Variants in TSHZ2 observed in about 807,000 individuals in gnomAD.
TSHZ2 encodes the protein teashirt homolog 2.
Under a neutral mutation model 74.4 loss-of-function variants are expected in TSHZ2, and 21 were observed. The ratio of observed to expected loss-of-function variants is 0.28; its 90% CI spans 0.20 to 0.41. The LOEUF (loss-of-function observed/expected upper bound fraction) is 0.41. TSHZ2 is among the 10% of genes least tolerant of loss of function. TSHZ2 has a pLI of 1.00. For missense variants in TSHZ2, 1,244 were observed against 1,293.5 expected (o/e 0.96, Z 0.59); for synonymous variants, 540 against 515.3 (o/e 1.05, Z -0.65).
At chr20:53,236,165 G>T (rs1260641431) in intron 1 of TSHZ2, among the ~76,000 whole-genome samples, 1 of 152,176 alleles carries the variant, frequency 6.6e-6, no homozygotes, top group Non-Finnish European at 1.5e-5. Flanking sequence ...AATTTGACCT[G>T]CCTGTAACTT....
chr20:53,215,863 C>T (rs145179549), intron 1 of TSHZ2, among the ~76,000 whole-genome samples: 6,180 of 146,272 alleles, frequency 0.042, 410 homozygotes, highest in African/African-American at 0.14. Context: ...AGCAAAACTC[C>T]GTCTCAAAAA....
chr20:53,408,198 C>T (rs563523857), intron 2 of TSHZ2, among the ~76,000 whole-genome samples: 2 of 152,306 alleles, frequency 1.3e-5, no homozygotes, highest in Middle Eastern at 3.4e-3. Context: ...CACAGAAATG[C>T]TATCCCTTTC....
At chr20:53,323,259 G>A (rs1346046918) in intron 2 of TSHZ2, among the ~76,000 whole-genome samples, 3 of 152,182 alleles carry the variant, frequency 2.0e-5, no homozygotes, top group East Asian at 1.9e-4. Context: ...CCAGAGGCTG[G>A]CACACATCTG....
At chr20:53,463,439 G>GAAGGAAGGAAGGAAGGAAGA (rs1184885442) in intron 2 of TSHZ2, among the ~76,000 whole-genome samples, 6 of 141,926 alleles carry the variant, frequency 4.2e-5, no homozygotes, top group Non-Finnish European at 9.2e-5. Context: ...AGGAAGGAGG[G>GAAGGAAGGAAGGAAGGAAGA]AGGGAGGGAA....
intron 1 of TSHZ2, among the ~76,000 whole-genome samples, chr20:53,024,304 G>C (rs564585688): frequency 6.6e-6 from 1 of 151,262 alleles, no homozygotes; most frequent in East Asian, 1.9e-4. Flanking sequence ...TTTTAATCTG[G>C]CGTTTCCTGG....
chr20:53,088,650 C>G (rs1179421830), intron 1 of TSHZ2, among the ~76,000 whole-genome samples: 1 of 152,150 alleles, frequency 6.6e-6, no homozygotes, highest in Admixed American at 6.5e-5. Flanking sequence ...GATTTGATGG[C>G]TTTCAGAAAC....
intron 2 of TSHZ2, among the ~76,000 whole-genome samples, chr20:53,362,620 G>A (rs1981111354): frequency 6.6e-6 from 1 of 151,858 alleles, no homozygotes; most frequent in Admixed American, 6.6e-5. Flanking sequence ...AATATTATGA[G>A]AGGCATTCGA....
At chr20:53,417,231 GACACACACAGACAC>G (rs1477983751) in intron 2 of TSHZ2, among the ~76,000 whole-genome samples, 2 of 101,290 alleles carry the variant, frequency 2.0e-5, no homozygotes, top group African/African-American at 4.2e-5. Context: ...TACAGACACA[GACACACACAGACAC>G]ACACACACAC....
chr20:53,251,115 A>T (rs1157565360), intron 1 of TSHZ2, among the ~76,000 whole-genome samples: 1 of 152,212 alleles, frequency 6.6e-6, no homozygotes, highest in Non-Finnish European at 1.5e-5. Flanking sequence ...CCTCATGGCC[A>T]CCAAATCCCC....
intron 1 of TSHZ2, among the ~76,000 whole-genome samples, chr20:53,098,756 A>G (rs888555642): frequency 6.6e-6 from 1 of 152,242 alleles, no homozygotes; most frequent in African/African-American, 2.4e-5. Flanking sequence ...TGAAGTTTCC[A>G]GGCAAGGCAC....
At position 53,091,263 on chromosome 20, in the gene TSHZ2, C is replaced by T. The variant is rs141564874; in HGVS notation, c.40+117930C>T. Among the ~76,000 whole-genome samples the T allele has an allele frequency of 2.1e-3, 327 of 152,246 alleles. 2 individuals are homozygous for T. Among genetic ancestry groups the T allele is most frequent in the African/African-American group, 7.5e-3 (310 of 41,534 alleles). ...TTTATGTAAAGCCTGGATAGTAGTG[C>T]AGGAGATAGTTCTATAACGGCAACA... On this transcript the variant is annotated intron_variant, in intron 1 of 2. Transcript: ENST00000371497.
chr20:53,282,776 C>T (rs2145439312), intron 2 of TSHZ2, among the ~76,000 whole-genome samples: 2 of 152,278 alleles, frequency 1.3e-5, no homozygotes, highest in East Asian at 3.9e-4. Flanking sequence ...ATGCAGTGCT[C>T]TTTGTATAAG....
chr20:53,375,120 T>TTA (rs957229442), intron 2 of TSHZ2, among the ~76,000 whole-genome samples: 12 of 152,096 alleles, frequency 7.9e-5, no homozygotes, highest in Non-Finnish European at 1.5e-5. Context: ...AGTGCATGGA[T>TTA]TATTGCCTAA....
intron 2 of TSHZ2, among the ~76,000 whole-genome samples, chr20:53,401,430 G>A (rs1982653655): frequency 6.6e-6 from 1 of 151,978 alleles, no homozygotes; most frequent in Admixed American, 6.6e-5. Flanking sequence ...GGGGGAACAG[G>A]TGGTGTTTGG....
At chr20:52,976,462 C>T (rs1444855928) in intron 1 of TSHZ2, among the ~76,000 whole-genome samples, 3 of 152,236 alleles carry the variant, frequency 2.0e-5, no homozygotes, top group African/African-American at 7.2e-5. Flanking sequence ...CATTAAAATA[C>T]ATCCACTATT....
At chr20:53,399,132 A>G (rs1982561028) in intron 2 of TSHZ2, 1 of 152,230 alleles carries the variant, frequency 6.6e-6, no homozygotes, top group Non-Finnish European at 1.5e-5. Context: ...TCGCTAACGG[A>G]GCACTGCCCA....
chr20:53,262,067 A>G (rs1286088130), intron 2 of TSHZ2, among the ~76,000 whole-genome samples: 1 of 152,192 alleles, frequency 6.6e-6, no homozygotes, highest in Non-Finnish European at 1.5e-5. Context: ...AGATCTCTCA[A>G]AAATGGCTTG....
chr20:53,207,338 G>A (rs1051967555), intron 1 of TSHZ2, among the ~76,000 whole-genome samples: 2 of 152,072 alleles, frequency 1.3e-5, no homozygotes, highest in Admixed American at 6.6e-5. Context: ...GGGGTGGGGG[G>A]CACTTAACAT....
chr20:53,370,535 C>T (rs529967160), intron 2 of TSHZ2, among the ~76,000 whole-genome samples: 10 of 152,208 alleles, frequency 6.6e-5, no homozygotes, highest in South Asian at 2.1e-4. Context: ...CCGAGGCAGA[C>T]GGATAGATTG....
Sources: gnomAD v4.1 joint callset for allele counts (sites outside exome capture counted in the v4.1 genomes callset) on GRCh38, gnomAD v4.1.1 for gene constraint, MANE v1.5 for transcripts, NCBI Gene and HGNC (gene_info 2026-07-23, HGNC 2026-07-21) for gene names.